ABCC4: variants seen among roughly 807,000 people sequenced by gnomAD.
ABCC4 encodes the protein ATP binding cassette subfamily C member 4 (PEL blood group).
Under a neutral mutation model 168.5 loss-of-function variants are expected in ABCC4, and 102 were observed. That is an observed-to-expected ratio of 0.61 (90% confidence interval 0.52 to 0.71). ABCC4 has a LOEUF of 0.71. Among genes scored for constraint, ABCC4 ranks in the 30% least tolerant of loss-of-function variants. The pLI is 0.00. For synonymous variants in ABCC4, 617 were observed against 590.7 expected, an observed-to-expected ratio of 1.04 and a Z score of -0.65; for missense variants, 1,402 against 1,605.8, an observed-to-expected ratio of 0.87 and a Z score of 2.17.
intron 19 of ABCC4, among the ~76,000 whole-genome samples, chr13:95,150,704 T>C (rs2036646444): frequency 6.6e-6 from 1 of 152,200 alleles, no homozygotes; most frequent in Non-Finnish European, 1.5e-5. Flanking sequence ...CTTTCTCCTA[T>C]CAATACTTCT....
At chr13:95,103,095 T>C (rs2034872727) in intron 20 of ABCC4, among the ~76,000 whole-genome samples, 2 of 151,450 alleles carry the variant, frequency 1.3e-5, no homozygotes, top group Non-Finnish European at 2.9e-5. Flanking sequence ...TGAAACCCTG[T>C]CTCTACTAAA....
At chr13:95,087,347 G>A (rs1360644298) in intron 20 of ABCC4, among the ~76,000 whole-genome samples, 4 of 152,066 alleles carry the variant, frequency 2.6e-5, no homozygotes, top group African/African-American at 7.2e-5. Flanking sequence ...GCGAAACCCC[G>A]TCTCTACTAA....
At chr13:95,161,420 A>G (rs2037096582) in intron 18 of ABCC4, 85 bp from the exon 19 acceptor site, 1 of 1,115,302 alleles carries the variant, frequency 9.0e-7, no homozygotes, top group South Asian at 2.3e-5. Flanking sequence ...GGTAGTTTAT[A>G]AAGATGTTAC....
chr13:95,211,769 G>A (rs957316051), intron 4 of ABCC4, among the ~76,000 whole-genome samples: 6 of 152,164 alleles, frequency 3.9e-5, no homozygotes, highest in Non-Finnish European at 4.4e-5. Context: ...GAGACTACTG[G>A]AAGGAGGAGA....
intron 25 of ABCC4, among the ~76,000 whole-genome samples, chr13:95,064,252 GTGTGTGTGTATATATATATATATA>G (rs59175149): frequency 0.18 from 21,252 of 118,120 alleles, 2,393 homozygotes; most frequent in East Asian, 0.3. Flanking sequence ...CCGGGTGTGT[GTGTGTGTGTATATATATATATATA>G]TATATATATA....
chr13:95,173,431 G>C (rs1477410218), intron 13 of ABCC4, among the ~76,000 whole-genome samples: 2 of 152,200 alleles, frequency 1.3e-5, no homozygotes, highest in African/African-American at 4.8e-5. Context: ...GAAGAGAAAG[G>C]CAGGAGGTAG....
At chr13:95,283,319 C>T (rs2041175137) in intron 1 of ABCC4, among the ~76,000 whole-genome samples, 1 of 149,398 alleles carries the variant, frequency 6.7e-6, no homozygotes, top group South Asian at 2.1e-4. Context: ...CAGGCTGCTG[C>T]TGATGCTGCT....
At chr13:95,273,592 A>T (rs1213429038) in intron 1 of ABCC4, among the ~76,000 whole-genome samples, 1 of 151,758 alleles carries the variant, frequency 6.6e-6, no homozygotes, top group East Asian at 1.9e-4. Context: ...AGCACCATGG[A>T]CCCTCCTGCT....
At chr13:95,104,016 C>T (rs964971788) in intron 20 of ABCC4, among the ~76,000 whole-genome samples, 3 of 152,194 alleles carry the variant, frequency 2.0e-5, no homozygotes, top group Admixed American at 1.3e-4. Context: ...ACAGACAAAG[C>T]CCTTTGCTGC....
chr13:95,275,072 G>A (rs376343571), intron 1 of ABCC4, among the ~76,000 whole-genome samples: 10 of 152,234 alleles, frequency 6.6e-5, no homozygotes, highest in South Asian at 2.1e-4. Flanking sequence ...GCAAGACTCC[G>A]TCTCAAAAAA....
At chr13:95,249,170 G>A (rs2040192682) in intron 1 of ABCC4, among the ~76,000 whole-genome samples, 1 of 151,440 alleles carries the variant, frequency 6.6e-6, no homozygotes, top group South Asian at 2.1e-4. Context: ...GCAGTGAGCT[G>A]TGATCGCCAC....
At chr13:95,218,927 GAGAAAGAAAGAAAGAAAGAAAGAA>G (rs71111597) in intron 4 of ABCC4, among the ~76,000 whole-genome samples, 2 of 42,438 alleles carry the variant, frequency 4.7e-5, no homozygotes, top group East Asian at 5.4e-4. Context: ...GAGAAAGAAA[GAGAAAGAAAGAAAGAAAGAAAGAA>G]AGAAAGAAAG....
At chr13:95,062,237 A>G (rs1298612075) in intron 26 of ABCC4, among the ~76,000 whole-genome samples, 1 of 152,152 alleles carries the variant, frequency 6.6e-6, no homozygotes, top group African/African-American at 2.4e-5. Flanking sequence ...CCACAAAGCC[A>G]ACTATAAGTT....
At chr13:95,121,443 T>C (rs1476948436) in intron 19 of ABCC4, among the ~76,000 whole-genome samples, 2 of 151,444 alleles carry the variant, frequency 1.3e-5, no homozygotes, top group East Asian at 3.9e-4. Flanking sequence ...TTTTTTTTTT[T>C]TGAGAAAAGG....
intron 26 of ABCC4, among the ~76,000 whole-genome samples, chr13:95,059,647 T>TG (rs1181613765): frequency 2.0e-5 from 3 of 151,926 alleles, no homozygotes; most frequent in Non-Finnish European, 2.9e-5. Context: ...GCACATTTTT[T>TG]TTTGTTTGTT....
intron 20 of ABCC4, among the ~76,000 whole-genome samples, chr13:95,108,947 T>C (rs2035105266): frequency 6.6e-6 from 1 of 152,192 alleles, no homozygotes; most frequent in East Asian, 1.9e-4. Flanking sequence ...ACCTCCTCCT[T>C]GACTATGCTG....
chr13:95,029,195 TATATATATATATATATATAGAGAG>T (rs2031703366), intron 30 of ABCC4, among the ~76,000 whole-genome samples: 5 of 79,262 alleles, frequency 6.3e-5, no homozygotes, highest in African/African-American at 2.8e-4. Context: ...TATATATATA[TATATATATATATATATATAGAGAG>T]AGAGAGAGAG....
chr13:95,205,232 C>A (rs1419067927), intron 8 of ABCC4, among the ~76,000 whole-genome samples: 1 of 152,104 alleles, frequency 6.6e-6, no homozygotes, highest in African/African-American at 2.4e-5. Flanking sequence ...CTATGAATAG[C>A]CACTATGCTC....
intron 4 of ABCC4, among the ~76,000 whole-genome samples, chr13:95,225,876 T>C (rs2039449304): frequency 6.7e-6 from 1 of 149,404 alleles, no homozygotes; most frequent in South Asian, 2.1e-4. Flanking sequence ...GGCTCATGCC[T>C]GTAATCCCAA....
Sources: allele counts gnomAD v4.1 joint callset (sites outside exome capture counted in the v4.1 genomes callset), GRCh38; gene constraint gnomAD v4.1.1; transcripts MANE v1.5; gene names NCBI Gene and HGNC (gene_info 2026-07-23, HGNC 2026-07-21).